Variants in C2orf81 observed in about 807,000 individuals in gnomAD.
The protein encoded by C2orf81 is chromosome 2 open reading frame 81, also known as uncharacterized protein C2orf81.
In C2orf81, 5 loss-of-function variants were observed where a neutral mutation model predicts 7.9. The observed-to-expected ratio is 0.63, with a 90% confidence interval of 0.33 to 1.33. The LOEUF (loss-of-function observed/expected upper bound fraction) is 1.33, where lower values mean the gene tolerates loss of function less well. Ranked by LOEUF, C2orf81 falls within the 40% of genes most tolerant of loss-of-function variation. C2orf81 has a pLI of 0.05. For synonymous variants in C2orf81, 346 were observed against 367.4 expected (o/e 0.94, Z 0.66); for missense variants, 781 against 830.4 (o/e 0.94, Z 0.73).
In C2orf81 at chr2:74,416,133, T is replaced by A. The variant is rs1296453304; in HGVS notation, c.127A>T (p.Ser43Cys). ...PQVDIVPGRL[S>C]EAEWMALTAL... is the part of the protein sequence containing the mutation. ...GTAAGCGCCATCCACTCGGCCTCACTGAGCCGCCCAGGCACAATATCCACC... is the reference window on the plus strand; with the variant it reads ...GTAAGCGCCATCCACTCGGCCTCACAGAGCCGCCCAGGCACAATATCCACC... Residue 43 changes from serine (S) to cysteine (C), a missense_variant, in exon 2 of 3, where the codon AGT (serine) becomes TGT (cysteine). Transcript: ENST00000684111. 1 of 1,524,632 alleles carries A rather than the reference T, an allele frequency of 6.6e-7. No homozygotes were observed. The highest frequency in any genetic ancestry group is 1.4e-5 in the African/African-American group (1 of 72,618). 94.4% of individuals were successfully genotyped at this position (1,524,632 alleles called of 1,614,324 possible).
chr2:74,414,943 C>T lies in C2orf81; in HGVS notation c.1234G>A (p.Glu412Lys), dbSNP rs1676401964. Residue 412 changes from glutamate to lysine, a missense_variant, in exon 3 of 3, where the codon GAG becomes AAG. Transcript: ENST00000684111. This position sits in a 1 kb window ranked among gnomAD's most constrained non-coding sequence, Gnocchi z 5.3. ...GGTTCGGCCCGGGCCTTGGTCTTCT[C>T]GCCCCGCTGGCGTCCGCGGTAGGCT... is the stretch of plus-strand genomic sequence containing the variant. ...LEAYRGRQRG[E>K]KTKARAEPQA... The T allele has an allele frequency of 2.6e-6, 4 of 1,545,846 alleles. No individual in the cohort carries two copies. The highest frequency in any genetic ancestry group is 1.7e-6 in the Non-Finnish European group (2 of 1,144,132).
In C2orf81 at chr2:74,419,734, G is replaced by A. The variant is rs539095154; in HGVS notation, c.18+1809C>T. Among the ~76,000 whole-genome samples the A allele has an allele frequency of 6.6e-5, 10 of 152,262 alleles. No homozygotes were observed. In the South Asian group the frequency reaches 2.1e-3, roughly 32 times the overall value. The stretch of plus-strand genomic sequence containing the variant: ...AAATAATTGACATGCTATATATACT[G>A]AAATATTATGCAATGATTAAAGGTA... On this transcript the variant is annotated intron_variant, in intron 1 of 2. Transcript: ENST00000684111.
At chr2:74,418,026 G>A in intron 1 of C2orf81, 1 of 508,250 alleles carries the variant, frequency 2.0e-6, no homozygotes. Flanking sequence ...GAGGGTGGTG[G>A]CTGGAGGCGG....
intron 1 of C2orf81, chr2:74,417,308 G>A (rs1294801823): frequency 8.0e-7 from 1 of 1,251,054 alleles, no homozygotes; most frequent in Non-Finnish European, 1.1e-6. Context: ...TGGCCAAGTG[G>A]TAGAAGCAAA....
At chr2:74,421,509 G>A in intron 1 of C2orf81, 34 bp downstream of exon 1, 1 of 379,186 alleles carries the variant, frequency 2.6e-6, no homozygotes, top group Admixed American at 4.6e-5. Flanking sequence ...GCCGACCCTG[G>A]CTCTGGCGCA....
chr2:74,417,517 C>T, intron 1 of C2orf81: 1 of 1,177,208 alleles, frequency 8.5e-7, no homozygotes. Context: ...CCAATGGGGG[C>T]TGTCCAACCT....
In C2orf81 at chr2:74,420,515, T is replaced by C. The variant is rs114480533; in HGVS notation, c.18+1028A>G. Among the ~76,000 whole-genome samples, 935 of 152,310 alleles carry C rather than the reference T, an allele frequency of 6.1e-3. 6 individuals are homozygous for C. Among genetic ancestry groups the C allele is most frequent in the Middle Eastern group, 0.01 (3 of 294 alleles). On this transcript the variant is annotated intron_variant, in intron 1 of 2. Coordinates refer to ENST00000684111, the MANE Select transcript of C2orf81 (RefSeq NM_001316764.3). ...TTATCCCCCCAAATCTGCTGTTTCC[T>C]AAGTCTTGCAGAACTCAAAATCCCT... is the stretch of plus-strand genomic sequence containing the variant.
rs763367864 is a variant in C2orf81, at chr2:74,415,670, AATG to A, written c.504_506del (p.Ile169del). ...ATGTCGGAAAGGGGAGAGCAGGAGC[AATG>A]GCAGAGGAGTCCGGAGAGGCTCCTG... On this transcript the variant is annotated inframe_deletion, in exon 3 of 3. Coordinates refer to ENST00000684111, the MANE Select transcript of C2orf81 (RefSeq NM_001316764.3). This position sits in a 1 kb window ranked among gnomAD's most constrained non-coding sequence, Gnocchi z 5.5. 5.8e-6 allele frequency: 9 copies of A among 1,551,310 alleles called. No homozygotes were observed. The African/African-American group carries it at 1.2e-4, about 21-fold the overall frequency.
At chr2:74,418,241 C>T in intron 1 of C2orf81, 1 of 1,593,706 alleles carries the variant, frequency 6.3e-7, no homozygotes, top group Non-Finnish European at 8.6e-7. Context: ...TTGGCAGCAC[C>T]CTTGTTTTTG....
rs530860921 is a variant in C2orf81 at position 74,415,387 on chromosome 2, C to T, written c.790G>A (p.Val264Met). Residue 264 changes from valine to methionine, a missense_variant, in exon 3 of 3, where the codon GTG (valine) becomes ATG (methionine). By Grantham distance (21) the Val-to-Met change is conservative. Coordinates refer to ENST00000684111, the MANE Select transcript of C2orf81 (RefSeq NM_001316764.3). This position sits in a 1 kb window ranked among gnomAD's most constrained non-coding sequence, Gnocchi z 5.5. ...GSLSASFQLS[V>M]EEAPADDADP... ...GCATCGTCGGCAGGCGCCTCCTCCA[C>T]CGACAGTTGGAAGCTCGCGCTCAAG... is the stretch of plus-strand genomic sequence containing the variant. 12 of 1,521,112 alleles carry T rather than the reference C, an allele frequency of 7.9e-6. 1 individual carries two copies. The South Asian group carries it at 1.1e-4, about 14-fold the overall frequency. 94.2% of individuals were successfully genotyped at this position (1,521,112 alleles called of 1,614,324 possible). A position where few individuals can be genotyped will look rare whatever the true frequency, so the allele number is the denominator to read the frequency against.
intron 1 of C2orf81, among the ~76,000 whole-genome samples, chr2:74,420,565 A>G (rs1185100531): frequency 6.6e-6 from 1 of 152,116 alleles, no homozygotes; most frequent in African/African-American, 2.4e-5. Context: ...CCTATCCACC[A>G]GTGAGAACAG....
rs1227014140 is a variant in C2orf81, at chr2:74,414,902, G to A, written c.1275C>T (p.Pro425=). The A allele has an allele frequency of 1.3e-6, 2 of 1,544,098 alleles. No homozygotes were observed. The highest frequency in any genetic ancestry group is 2.0e-5 in the Admixed American group (1 of 50,682). Residue 425 remains proline, a synonymous_variant, in exon 3 of 3, where the codon CCC becomes CCT. Coordinates refer to ENST00000684111, the MANE Select transcript of C2orf81 (RefSeq NM_001316764.3). The surrounding 1 kb of genome is among the most constrained non-coding windows in gnomAD (Gnocchi z 5.3). ...KARAEPQALG[P]GTRVSPAAFF... is the part of the protein sequence containing the mutation. ...ACGCTGCCGGGGAGACACGGGTGCC[G>A]GGGCCGAGGGCTTGGGGTTCGGCCC...
At position 74,414,538 on chromosome 2, in the gene C2orf81, G is replaced by GT. The variant is rs1026675818; in HGVS notation, c.1638dup (p.Pro547ThrfsTer5). 9 of 1,543,314 alleles carry GT rather than the reference G, an allele frequency of 5.8e-6. No homozygotes were observed. In the African/African-American group the frequency reaches 1.1e-4, roughly 19 times the overall value. On this transcript the variant is annotated frameshift_variant, in exon 3 of 3. Transcript: ENST00000684111. LOFTEE classifies it low-confidence loss of function (END_TRUNC). The surrounding 1 kb of genome is among the most constrained non-coding windows in gnomAD (Gnocchi z 5.3). ...TGGGAAGTGGCTTCAAGGACCGGGG[G>GT]TGTGGTTCGAGGCCATCTGCCAGGA... is the stretch of plus-strand genomic sequence containing the variant.
In C2orf81 at chr2:74,415,458, A is replaced by G. The variant is rs1432622969; in HGVS notation, c.719T>C (p.Val240Ala). The G allele has an allele frequency of 2.0e-6, 3 of 1,536,328 alleles. No individual in the cohort carries two copies. Among genetic ancestry groups the G allele is most frequent in the Non-Finnish European group, 1.8e-6 (2 of 1,135,910 alleles). The change falls in exon 3 of 3, where the codon GTA (valine) becomes GCA (alanine). Residue 240 changes from valine to alanine, a missense_variant. Val to Ala is a moderately conservative substitution (Grantham distance 64). Transcript: ENST00000684111. The surrounding 1 kb of genome is among the most constrained non-coding windows in gnomAD (Gnocchi z 5.5). ...LFQEAGPGGP[V>A]EEADGQSRGL... is the part of the protein sequence containing the mutation. ...TCTAGACTGGCCGTCCGCTTCCTCT[A>G]CAGGACCTCCGGGCCCTGCCTCCTG...
At chr2:74,418,111 C>T (rs1676514852) in intron 1 of C2orf81, 5 of 733,560 alleles carry the variant, frequency 6.8e-6, no homozygotes, top group Admixed American at 2.0e-5. Context: ...CTGTCCAGTC[C>T]CAGAAGGAAG....
chr2:74,419,272 A>T (rs372083850), intron 1 of C2orf81, among the ~76,000 whole-genome samples: 1 of 152,198 alleles, frequency 6.6e-6, no homozygotes, highest in African/African-American at 2.4e-5. Context: ...GCTGCTCGGG[A>T]GGCTGAGGCA....
In C2orf81 at chr2:74,415,412, G is replaced by A. The variant is rs1204741956; in HGVS notation, c.765C>T (p.Ser255=). 3.3e-6 allele frequency: 5 copies of A among 1,529,560 alleles called. No individual in the cohort carries two copies. The South Asian group carries it at 3.6e-5, about 11-fold the overall frequency. The allele number at this position is 1,529,560 out of a possible 1,614,324, so 94.7% of individuals were successfully genotyped here. Residue 255 remains serine, a synonymous_variant, in exon 3 of 3, where the codon TCC becomes TCT. Transcript: ENST00000684111. This position sits in a 1 kb window ranked among gnomAD's most constrained non-coding sequence, Gnocchi z 5.5. ...GQSRGLSSAG[S]LSASFQLSVE... ...CCGACAGTTGGAAGCTCGCGCTCAA[G>A]GACCCGGCCGAGGAGAGGCCTCTAG...
At chr2:74,420,760 TTTC>T (rs1223428800) in intron 1 of C2orf81, among the ~76,000 whole-genome samples, 56 of 147,462 alleles carry the variant, frequency 3.8e-4, no homozygotes, top group African/African-American at 1.1e-3. Flanking sequence ...ATCCGTTTTC[TTTC>T]TTCTTCTTCT....
chr2:74,416,018 G>A lies in C2orf81; in HGVS notation c.242C>T (p.Thr81Ile). The change falls in exon 2 of 3, where the codon ACT becomes ATT. Residue 81 changes from threonine (T) to isoleucine (I), a missense_variant. Physicochemically the swap from Thr to Ile is moderately conservative, Grantham distance 89 (BLOSUM62 -1). Coordinates refer to ENST00000684111, the MANE Select transcript of C2orf81 (RefSeq NM_001316764.3). ...VMDSAFKVYL[T>I]QQCIPFTISQ... is the part of the protein sequence containing the mutation. ...ACCCGGATCCCGGCCCACCTGCTGA[G>A]TCAGGTAGACTTTGAAAGCAGAGTC... 5 of 1,550,162 alleles carry A rather than the reference G, an allele frequency of 3.2e-6. No individual in the cohort carries two copies. The highest frequency in any genetic ancestry group is 4.4e-6 in the Non-Finnish European group (5 of 1,146,902).
Sources: gnomAD v4.1 joint callset for allele counts (sites outside exome capture counted in the v4.1 genomes callset) on GRCh38, gnomAD v4.1.1 for gene constraint, Gnocchi (gnomAD v3.1) non-coding constraint, MANE v1.5 for transcripts, NCBI Gene and HGNC (gene_info 2026-07-23, HGNC 2026-07-21) for gene names.